The following CTSD variants were observed in gnomAD, a reference collection of about 807,000 sequenced individuals.
CTSD encodes ceroid-lipofuscinosis, neuronal 10.
CTSD carries 28 observed loss-of-function variants against 43.6 expected under a neutral mutation model. The observed-to-expected ratio is 0.64, with a 90% CI of 0.48 to 0.88. The LOEUF (loss-of-function observed/expected upper bound fraction) is 0.88, where lower values mean the gene tolerates loss of function less well. Ranked by LOEUF, CTSD falls within the 40% of genes least tolerant of loss-of-function variation. The pLI, the probability that CTSD is intolerant of heterozygous loss-of-function variation, is 0.00. For missense variants in CTSD, 485 were observed against 555.2 expected (o/e 0.87, Z 1.27); for synonymous variants, 270 against 249.8 (o/e 1.08, Z -0.76).
intron 1 of CTSD, 42 bp downstream of exon 1, chr11:1,763,750 C>G: frequency 1.3e-6 from 2 of 1,500,904 alleles, no homozygotes; most frequent in Non-Finnish European, 1.8e-6. Context: ...CTCGGCGCCG[C>G]GACCCCTGCC....
At chr11:1,755,670 C>A (rs12223470) in intron 5 of CTSD, among the ~76,000 whole-genome samples, 1 of 152,148 alleles carries the variant, frequency 6.6e-6, no homozygotes, top group Non-Finnish European at 1.5e-5. Flanking sequence ...CAAATCCTGC[C>A]GGTCCTGGTA....
chr11:1,754,155 C>T lies in CTSD; in HGVS notation c.828-17G>A, dbSNP rs78735768. The stretch of plus-strand genomic sequence containing the variant: ...ACCTCCACCCTGCGGGGAGTCAGGG[C>T]GTGAAGCCCCTGCCGGGACTGGAGT... On this transcript the variant is annotated splice_polypyrimidine_tract_variant and intron_variant, in intron 6 of 8. Coordinates refer to ENST00000236671, the MANE Select transcript of CTSD (RefSeq NM_001909.5). The T allele has an allele frequency of 0.069, 110,705 of 1,604,836 alleles. 4,220 individuals are homozygous for T. Among genetic ancestry groups the T allele is most frequent in the Middle Eastern group, 0.11 (671 of 6,018 alleles).
chr11:1,761,724 C>A (rs1845880597), intron 1 of CTSD: 2 of 559,214 alleles, frequency 3.6e-6, no homozygotes, highest in Non-Finnish European at 6.5e-6. Flanking sequence ...GCCCCACACA[C>A]CCAACCTGGG....
At chr11:1,754,343 G>A in intron 6 of CTSD, 1 of 621,656 alleles carries the variant, frequency 1.6e-6, no homozygotes, top group South Asian at 1.9e-5. Flanking sequence ...ACCCTCAGGT[G>A]GTGGTGAGGG....
chr11:1,759,272 G>A (rs1464404470), intron 3 of CTSD, among the ~76,000 whole-genome samples, 185 bp from the exon 4 acceptor site: 1 of 152,156 alleles, frequency 6.6e-6, no homozygotes, highest in South Asian at 2.1e-4. Flanking sequence ...CTGTGACCCC[G>A]GGCCTCCCTC....
intron 2 of CTSD, chr11:1,761,046 G>A (rs1845869582): frequency 1.9e-6 from 1 of 514,672 alleles, no homozygotes; most frequent in Non-Finnish European, 3.6e-6. Context: ...GCCCCCTCAG[G>A]CGAGCTGGCA....
intron 6 of CTSD, 141 bp from the exon 7 acceptor site, chr11:1,754,279 C>T (rs1014376434): frequency 9.2e-6 from 9 of 981,660 alleles, no homozygotes; most frequent in African/African-American, 3.2e-5. Context: ...CGGCTGTAAG[C>T]CCTCCAGGGA....
chr11:1,763,319 G>A (rs1384326067), intron 1 of CTSD, among the ~76,000 whole-genome samples: 1 of 152,204 alleles, frequency 6.6e-6, no homozygotes, highest in East Asian at 1.9e-4. Context: ...TGTGATAAGA[G>A]CCGCTGGAGC....
intron 6 of CTSD, among the ~76,000 whole-genome samples, chr11:1,754,434 G>GGC (rs1845774709): frequency 1.4e-5 from 2 of 141,326 alleles, no homozygotes; most frequent in Admixed American, 6.9e-5. Flanking sequence ...GGCATGGAGG[G>GGC]ATGGAGGGAT....
Position 1,759,536 on chromosome 11 carries a change from T to C in CTSD, c.332A>G (p.Lys111Arg). ...CTCACAGCAAGCGATGTCCAGCAGT[T>C]TGCAGTGGATGGAGGGGACCCACAG... ...SNLWVPSIHC[K>R]LLDIACWIHH... is the part of the protein sequence containing the mutation. Residue 111 changes from lysine to arginine, a missense_variant, in exon 3 of 9, where the codon AAA becomes AGA. By Grantham distance (26) the Lys-to-Arg change is conservative. Coordinates refer to ENST00000236671, the MANE Select transcript of CTSD (RefSeq NM_001909.5). 6.2e-7 allele frequency: 1 copy of C among 1,613,536 alleles called. No individual in the cohort carries two copies. Among genetic ancestry groups the C allele is most frequent in the Non-Finnish European group, 8.5e-7 (1 of 1,179,986 alleles).
rs376607594 is a variant in CTSD, at chr11:1,754,962, A to G, written c.771T>C (p.Gly257=). 3.7e-6 allele frequency: 6 copies of G among 1,613,742 alleles called. No individual in the cohort carries two copies. The African/African-American group carries it at 5.3e-5, about 14-fold the overall frequency. The change falls in exon 6 of 9, where the codon GGT becomes GGC. Residue 257 remains glycine (G), a synonymous_variant. Coordinates refer to ENST00000236671, the MANE Select transcript of CTSD (RefSeq NM_001909.5). ...LGGTDSKYYK[G]SLSYLNVTRK... ...GGGTGACATTCAGGTAGGACAGAGAACCCTTGTAATACTTGGAGTCTGTGC... is the reference window on the plus strand; with the variant it reads ...GGGTGACATTCAGGTAGGACAGAGAGCCCTTGTAATACTTGGAGTCTGTGC...
chr11:1,757,233 G>T, intron 5 of CTSD, 91 bp downstream of exon 5: 1 of 1,046,964 alleles, frequency 9.6e-7, no homozygotes, highest in Non-Finnish European at 1.5e-6. Context: ...CAGGGAGGGG[G>T]CAGCACTGAG....
At chr11:1,754,780 C>G in intron 6 of CTSD, 126 bp downstream of exon 6, 2 of 1,197,590 alleles carry the variant, frequency 1.7e-6, no homozygotes, top group Non-Finnish European at 2.3e-6. Context: ...GACCCCATCT[C>G]TTTCTTGCCC....
intron 4 of CTSD, 95 bp from the exon 5 acceptor site, chr11:1,757,651 C>T (rs1845826365): frequency 2.9e-6 from 3 of 1,017,200 alleles, no homozygotes; most frequent in Non-Finnish European, 4.5e-6. Flanking sequence ...AATGGATGCC[C>T]ATCCCACACA....
chr11:1,761,194 G>T, intron 2 of CTSD, 115 bp downstream of exon 2: 1 of 1,194,708 alleles, frequency 8.4e-7, no homozygotes, highest in Non-Finnish European at 1.2e-6. Flanking sequence ...ACCGTGGCCA[G>T]GTGAGCCACT....
At chr11:1,759,125 C>T (rs889241939) in intron 3 of CTSD, 38 bp from the exon 4 acceptor site, 25 of 1,448,314 alleles carry the variant, frequency 1.7e-5, no homozygotes, top group Admixed American at 5.0e-5. Flanking sequence ...GGTCATCCCG[C>T]AGCCCACGCC....
In CTSD at chr11:1,753,619, T is replaced by C. The variant is rs1166569141; in HGVS notation, c.1123A>G (p.Ile375Val). 3.1e-6 allele frequency: 5 copies of C among 1,612,928 alleles called. No individual in the cohort carries two copies. The South Asian group carries it at 5.5e-5, about 18-fold the overall frequency. ...LCLSGFMGMD[I>V]PPPSGPLWIL... Reference sequence around the variant, plus strand: ...CAGAGTGGCCCGCTGGGTGGCGGGATGTCCATGCCCATGAAGCCGCTCAGG... The same window carrying C: ...CAGAGTGGCCCGCTGGGTGGCGGGACGTCCATGCCCATGAAGCCGCTCAGG... Residue 375 changes from isoleucine (I) to valine (V), a missense_variant, in exon 9 of 9, where the codon ATC becomes GTC. Ile to Val is a conservative substitution (Grantham distance 29). Coordinates refer to ENST00000236671, the MANE Select transcript of CTSD (RefSeq NM_001909.5).
At position 1,759,601 on chromosome 11, in the gene CTSD, G is replaced by A. The variant is rs139154882; in HGVS notation, c.267C>T (p.Pro89=). 1.2e-6 allele frequency: 2 copies of A among 1,613,520 alleles called. No individual in the cohort carries two copies. The highest frequency in any genetic ancestry group is 1.7e-6 in the Non-Finnish European group (2 of 1,179,970). ...TGTCGAAGACGACTGTGAAGCACTG[G>A]GGGGGCGTCCCGATGCCAATCTCCC... is the stretch of plus-strand genomic sequence containing the variant. ...YYGEIGIGTP[P]QCFTVVFDTG... Residue 89 remains proline (P), a synonymous_variant, in exon 3 of 9, where the codon CCC becomes CCT. Transcript: ENST00000236671.
At chr11:1,760,961 C>A in intron 2 of CTSD, 1 of 365,266 alleles carries the variant, frequency 2.7e-6, no homozygotes, top group Non-Finnish European at 5.3e-6. Context: ...GGCCACGAGT[C>A]ACCACAGGCC....
Sources: allele counts gnomAD v4.1 joint callset (sites outside exome capture counted in the v4.1 genomes callset), GRCh38; gene constraint gnomAD v4.1.1; transcripts MANE v1.5; gene names NCBI Gene and HGNC (gene_info 2026-07-23, HGNC 2026-07-21).